The following CCDC92B variants were observed in gnomAD, a reference collection of about 807,000 sequenced individuals.
CCDC92B encodes the protein coiled-coil domain-containing 92B.
A neutral mutation model predicts 5.6 loss-of-function variants in CCDC92B; 2 were observed. The ratio of observed to expected loss-of-function variants is 0.36; its 90% CI spans 0.15 to 1.12. The LOEUF (loss-of-function observed/expected upper bound fraction) is 1.12, where lower values mean the gene tolerates loss of function less well. Among genes scored for constraint, CCDC92B ranks in the 50% most tolerant of loss-of-function variants. The pLI is 0.40. For missense variants in CCDC92B, 271 were observed against 262.2 expected, an observed-to-expected ratio of 1.03 and a Z score of -0.23; for synonymous variants, 115 against 122.3, an observed-to-expected ratio of 0.94 and a Z score of 0.39.
intron 1 of CCDC92B, among the ~76,000 whole-genome samples, chr17:2,737,910 G>A (rs2070874837): frequency 6.6e-6 from 1 of 151,936 alleles, no homozygotes; most frequent in Admixed American, 6.6e-5. Context: ...ACTCTTCAGC[G>A]GGTATTACCA....
At chr17:2,725,988 C>CTTTT (rs565583381) in intron 3 of CCDC92B, among the ~76,000 whole-genome samples, 21 of 78,256 alleles carry the variant, frequency 2.7e-4, no homozygotes, top group East Asian at 1.2e-3. Context: ...TTTATCACGT[C>CTTTT]TTTTTTTTTT....
At chr17:2,728,210 A>G (rs945430951) in intron 3 of CCDC92B, among the ~76,000 whole-genome samples, 2 of 150,628 alleles carry the variant, frequency 1.3e-5, no homozygotes, top group Non-Finnish European at 3.0e-5. Context: ...GCTAATCTCG[A>G]GGTTGAGGTG....
intron 3 of CCDC92B, among the ~76,000 whole-genome samples, chr17:2,727,608 A>C (rs926359102): frequency 6.6e-6 from 1 of 151,688 alleles, no homozygotes; most frequent in South Asian, 2.1e-4. Context: ...GGCGGATCAC[A>C]AGGTCAGGAG....
chr17:2,724,301 C>T lies in CCDC92B; in HGVS notation c.*110G>A. ...GAGCCGGGGCCGCCTCGCCCCGCTT[C>T]CTGGAGGAGGGGCGGCTGCCCTCCG... is the stretch of plus-strand genomic sequence containing the variant. On this transcript the variant is annotated 3_prime_UTR_variant, in exon 4 of 4. Transcript: ENST00000614400. This position sits in a 1 kb window ranked among gnomAD's most constrained non-coding sequence, Gnocchi z 5.0. 1 of 985,194 alleles carries T rather than the reference C, an allele frequency of 1.0e-6. No homozygotes were observed. Among genetic ancestry groups the T allele is most frequent in the Non-Finnish European group, 1.2e-6 (1 of 829,870 alleles). 61.0% of individuals were successfully genotyped at this position (985,194 alleles called of 1,614,324 possible).
chr17:2,744,897 C>T (rs1394519569), intron 1 of CCDC92B, among the ~76,000 whole-genome samples: 1 of 151,644 alleles, frequency 6.6e-6, no homozygotes, highest in East Asian at 1.9e-4. Flanking sequence ...CCTGAAACCC[C>T]GTCTCTACTA....
chr17:2,735,830 C>T (rs965764124), intron 1 of CCDC92B, among the ~76,000 whole-genome samples: 2 of 152,150 alleles, frequency 1.3e-5, no homozygotes, highest in East Asian at 1.9e-4. Context: ...CTGCTCCTCC[C>T]GCCCTAGCAG....
rs1167560087 is a variant in CCDC92B, at chr17:2,748,319, C to T, written c.-24+1092G>A. ...TGTGACTTTTACCATGAAGCCATCC[C>T]TGATCCCCCACCAAGATGGAACGAC... On this transcript the variant is annotated intron_variant, in intron 1 of 3. Coordinates refer to ENST00000614400, the MANE Select transcript of CCDC92B (RefSeq NM_001355573.2). 8.8e-6 allele frequency: 11 copies of T among 1,248,938 alleles called. No homozygotes were observed. In the Admixed American group the frequency reaches 2.6e-4, roughly 30 times the overall value. 77.4% of individuals were successfully genotyped at this position (1,248,938 alleles called of 1,614,324 possible). A position where few individuals can be genotyped will look rare whatever the true frequency, so the allele number is the denominator to read the frequency against.
intron 3 of CCDC92B, among the ~76,000 whole-genome samples, chr17:2,729,894 G>T (rs920417283): frequency 2.0e-5 from 3 of 152,164 alleles, no homozygotes; most frequent in Non-Finnish European, 4.4e-5. Flanking sequence ...ATGTGTGTGT[G>T]TTTCTTTTCT....
chr17:2,746,349 A>G (rs912342115), intron 1 of CCDC92B, among the ~76,000 whole-genome samples: 17 of 152,218 alleles, frequency 1.1e-4, no homozygotes, highest in African/African-American at 3.4e-4. Context: ...AAAATATTAA[A>G]AAGACCCTAA....
chr17:2,728,823 G>C lies in CCDC92B; in HGVS notation c.178+1623C>G, dbSNP rs569668114. 3.3e-5 allele frequency among the ~76,000 whole-genome samples: 5 copies of C among 152,288 alleles called. No individual in the cohort carries two copies. In the East Asian group the frequency reaches 9.7e-4, roughly 30 times the overall value. On this transcript the variant is annotated intron_variant, in intron 3 of 3. Coordinates refer to ENST00000614400, the MANE Select transcript of CCDC92B (RefSeq NM_001355573.2). ...CTGTGGTTGTCCTCTAAAGAGGGCA[G>C]GATTAGTCCAAGTTCGTAAGTGTTT... is the stretch of plus-strand genomic sequence containing the variant.
chr17:2,739,173 C>G (rs1597243242), intron 1 of CCDC92B, among the ~76,000 whole-genome samples: 1 of 151,148 alleles, frequency 6.6e-6, no homozygotes, highest in Non-Finnish European at 1.5e-5. Context: ...CGAGACCATC[C>G]TGGCTAACAT....
chr17:2,739,887 C>T (rs1293117437), intron 1 of CCDC92B, among the ~76,000 whole-genome samples: 1 of 152,056 alleles, frequency 6.6e-6, no homozygotes, highest in Non-Finnish European at 1.5e-5. Flanking sequence ...TTGCCAAGCA[C>T]TGTCCTGGGT....
At position 2,722,430 on chromosome 17, in the gene CCDC92B, A is replaced by T. The variant is rs1488717744; in HGVS notation, c.*1981T>A. 2 of 152,320 alleles carry T rather than the reference A, an allele frequency of 1.3e-5. No homozygotes were observed. The highest frequency in any genetic ancestry group is 2.9e-5 in the Non-Finnish European group (2 of 68,170). The allele number at this position is 152,320 out of a possible 1,614,324, so 9.4% of individuals were successfully genotyped here. ...TCCCAAGGGTGCCCCAACCTCAGCC[A>T]TCTGCATCCCAGGAGCTGGACACCC... is the stretch of plus-strand genomic sequence containing the variant. On this transcript the variant is annotated 3_prime_UTR_variant, in exon 4 of 4. Coordinates refer to ENST00000614400, the MANE Select transcript of CCDC92B (RefSeq NM_001355573.2).
intron 1 of CCDC92B, among the ~76,000 whole-genome samples, chr17:2,746,414 T>G (rs1464543709): frequency 6.6e-6 from 1 of 152,264 alleles, no homozygotes; most frequent in Non-Finnish European, 1.5e-5. Context: ...ATGTCTCTGA[T>G]GTGTCTGAAA....
chr17:2,730,366 G>A (rs2070778171), intron 3 of CCDC92B, 80 bp downstream of exon 3: 1 of 818,704 alleles, frequency 1.2e-6, no homozygotes, highest in Non-Finnish European at 1.5e-6. Context: ...GACAGAGAAG[G>A]TTTGGGTCCT....
At chr17:2,728,094 G>C (rs1268797124) in intron 3 of CCDC92B, among the ~76,000 whole-genome samples, 2 of 152,076 alleles carry the variant, frequency 1.3e-5, no homozygotes, top group African/African-American at 2.4e-5. Context: ...GGGAGGCTGA[G>C]GGGGGCAAAT....
At chr17:2,730,022 G>A (rs1289715684) in intron 3 of CCDC92B, among the ~76,000 whole-genome samples, 1 of 152,180 alleles carries the variant, frequency 6.6e-6, no homozygotes, top group Non-Finnish European at 1.5e-5. Context: ...CTTGTGCCAG[G>A]ATGGGAAGGA....
intron 2 of CCDC92B, among the ~76,000 whole-genome samples, chr17:2,732,586 G>A (rs532259350): frequency 2.6e-5 from 4 of 151,784 alleles, no homozygotes; most frequent in Non-Finnish European, 5.9e-5. Flanking sequence ...GCATGGTGGC[G>A]GGCACCTGTA....
chr17:2,737,616 C>T (rs997912090), intron 1 of CCDC92B, among the ~76,000 whole-genome samples: 7 of 151,646 alleles, frequency 4.6e-5, no homozygotes, highest in African/African-American at 1.7e-4. Flanking sequence ...GGACTACAGG[C>T]GCCCACCACC....
Sources: allele counts gnomAD v4.1 joint callset (sites outside exome capture counted in the v4.1 genomes callset), GRCh38; gene constraint gnomAD v4.1.1; non-coding constraint Gnocchi (gnomAD v3.1); transcripts MANE v1.5; gene names NCBI Gene and HGNC (gene_info 2026-07-23, HGNC 2026-07-21).